Variants in PSD3 observed in about 807,000 individuals in gnomAD.
PSD3 encodes the protein PH and SEC7 domain-containing protein 3.
In PSD3, 49 loss-of-function variants were observed where a neutral mutation model predicts 105.5. The observed-to-expected ratio is 0.46, with a 90% CI of 0.37 to 0.59. The LOEUF is 0.59. PSD3 is among the 20% of genes least tolerant of loss of function. The pLI is 0.00. For missense variants in PSD3, 1,561 were observed against 1,263.8 expected (o/e 1.24, Z -3.57); for synonymous variants, 557 against 457.8 (o/e 1.22, Z -2.77).
chr8:19,056,705 A>G (rs921275804), intron 1 of PSD3, among the ~76,000 whole-genome samples: 4 of 152,234 alleles, frequency 2.6e-5, no homozygotes, highest in African/African-American at 9.6e-5. Context: ...AAGCTAAGTG[A>G]ACCCTGATTA....
intron 2 of PSD3, among the ~76,000 whole-genome samples, chr8:18,905,553 C>T (rs907330219): frequency 2.9e-4 from 44 of 152,298 alleles, no homozygotes; most frequent in African/African-American, 9.6e-4. Flanking sequence ...AACTCCTGAC[C>T]TCAGGTGATC....
At chr8:18,656,422 C>T (rs1391920029) in intron 9 of PSD3, among the ~76,000 whole-genome samples, 1 of 151,138 alleles carries the variant, frequency 6.6e-6, no homozygotes, top group Non-Finnish European at 1.5e-5. Context: ...GAGTAAGATA[C>T]TTGGTAGGGG....
intron 2 of PSD3, among the ~76,000 whole-genome samples, chr8:18,929,941 C>G (rs1170985247): frequency 6.6e-6 from 1 of 151,748 alleles, no homozygotes; most frequent in African/African-American, 2.4e-5. Flanking sequence ...ATAAATAAAA[C>G]TATAAAAATG....
intron 8 of PSD3, among the ~76,000 whole-genome samples, chr8:18,780,997 C>T (rs1055327382): frequency 6.6e-6 from 1 of 151,992 alleles, no homozygotes; most frequent in Non-Finnish European, 1.5e-5. Context: ...AGCATTTATT[C>T]TCCTTCATTT....
At chr8:18,969,089 C>A (rs561916105) in intron 1 of PSD3, among the ~76,000 whole-genome samples, 1 of 152,184 alleles carries the variant, frequency 6.6e-6, no homozygotes, top group South Asian at 2.1e-4. Flanking sequence ...TCTTTTAAAT[C>A]TTTAAATTAC....
chr8:18,947,772 G>A (rs1450038905), intron 1 of PSD3, among the ~76,000 whole-genome samples: 1 of 152,190 alleles, frequency 6.6e-6, no homozygotes, highest in Non-Finnish European at 1.5e-5. Context: ...GCCTGGGCAA[G>A]GTTCTGAATT....
intron 1 of PSD3, among the ~76,000 whole-genome samples, chr8:19,004,713 G>A (rs746018273): frequency 1.3e-5 from 2 of 152,120 alleles, no homozygotes; most frequent in Middle Eastern, 3.4e-3. Context: ...ATCTTGAATC[G>A]GAACTCCCAC....
rs75380303 is a variant in PSD3, at chr8:19,030,774, T to C, written c.324+53432A>G. Among the ~76,000 whole-genome samples the C allele has an allele frequency of 6.6e-3, 1,001 of 152,294 alleles. 14 individuals carry two copies. The highest frequency in any genetic ancestry group is 0.023 in the African/African-American group (955 of 41,560). ...CGTATCAACTTAATTTCTAACCTTCTACCACTCCATTTCTAGATCATCCAA... is the reference window on the plus strand; with the variant it reads ...CGTATCAACTTAATTTCTAACCTTCCACCACTCCATTTCTAGATCATCCAA... On this transcript the variant is annotated intron_variant, in intron 1 of 1. Transcript: ENST00000521475.
chr8:18,694,319 A>C (rs1801140773), intron 9 of PSD3, among the ~76,000 whole-genome samples: 1 of 152,244 alleles, frequency 6.6e-6, no homozygotes, highest in Non-Finnish European at 1.5e-5. Context: ...TAAATTAAAA[A>C]TGAAGTTCCA....
intron 13 of PSD3, among the ~76,000 whole-genome samples, chr8:18,573,768 G>T (rs539006756): frequency 6.6e-6 from 1 of 152,204 alleles, no homozygotes. Flanking sequence ...AAGTAGATCA[G>T]TGGGTGCCTG....
chr8:18,571,519 T>C (rs1349931602), intron 14 of PSD3, among the ~76,000 whole-genome samples: 6 of 152,234 alleles, frequency 3.9e-5, no homozygotes, highest in Non-Finnish European at 7.3e-5. Flanking sequence ...GGACTTATCC[T>C]TCCTGTACTT....
chr8:18,803,287 CAA>C (rs34996165), intron 6 of PSD3: 5 of 51,198 alleles, frequency 9.8e-5, no homozygotes, highest in South Asian at 1.3e-3. Context: ...ACTCTGTCTC[CAA>C]AAAAAAAAAA....
At chr8:18,956,316 T>C (rs1157579650) in intron 1 of PSD3, among the ~76,000 whole-genome samples, 1 of 152,136 alleles carries the variant, frequency 6.6e-6, no homozygotes, top group Non-Finnish European at 1.5e-5. Flanking sequence ...GGTATCCCGC[T>C]AAAACTCTGG....
chr8:18,918,945 C>T (rs191829722), intron 2 of PSD3, among the ~76,000 whole-genome samples: 47 of 152,192 alleles, frequency 3.1e-4, no homozygotes, highest in Admixed American at 1.2e-3. Context: ...TCCTCTAAAG[C>T]TTGGCTAAAG....
intron 9 of PSD3, among the ~76,000 whole-genome samples, chr8:18,702,699 G>T (rs911604168): frequency 6.7e-6 from 1 of 149,720 alleles, no homozygotes; most frequent in African/African-American, 2.5e-5. Flanking sequence ...TGCAAGCTCC[G>T]GCTCCCGGGT....
In PSD3 at chr8:18,868,371, C is replaced by T. The variant is rs953988701; in HGVS notation, c.1239-302G>A. On this transcript the variant is annotated intron_variant, in intron 3 of 15. Coordinates refer to ENST00000327040, the MANE Select transcript of PSD3 (RefSeq NM_015310.4). ...TCAATTCTCATTTTAGCCAAATATACCGTACACATTCAGATTATTTGCAAC... is the reference window on the plus strand; with the variant it reads ...TCAATTCTCATTTTAGCCAAATATATCGTACACATTCAGATTATTTGCAAC... 5.9e-5 allele frequency among the ~76,000 whole-genome samples: 9 copies of T among 152,216 alleles called. 1 individual carries two copies. In the Middle Eastern group the frequency reaches 0.014, roughly 230 times the overall value.
At chr8:18,882,747 C>T (rs576874920) in intron 2 of PSD3, among the ~76,000 whole-genome samples, 142 of 151,960 alleles carry the variant, frequency 9.3e-4, no homozygotes, top group Non-Finnish European at 1.8e-3. Flanking sequence ...AATTGTAGTT[C>T]CTTAGTGCTC....
chr8:18,684,004 G>C lies in PSD3; in HGVS notation c.2173-28319C>G. On this transcript the variant is annotated intron_variant, in intron 9 of 15. Transcript: ENST00000327040. ...TTTCCAACCGTTCCAAGGCTCTCACGCTGGAGGAACTCTGCGGGGTTGTGC... is the reference window on the plus strand; with the variant it reads ...TTTCCAACCGTTCCAAGGCTCTCACCCTGGAGGAACTCTGCGGGGTTGTGC... 3 of 707,222 alleles carry C rather than the reference G, an allele frequency of 4.2e-6. No individual in the cohort carries two copies. In the East Asian group the frequency reaches 7.4e-5, roughly 18 times the overall value. The allele number at this position is 707,222 out of a possible 1,614,324, so 43.8% of individuals were successfully genotyped here. A position where few individuals can be genotyped will look rare whatever the true frequency, so the allele number is the denominator to read the frequency against.
At position 18,577,228 on chromosome 8, in the gene PSD3, T is replaced by C. The variant is rs529968031; in HGVS notation, c.2482-1943A>G. On this transcript the variant is annotated intron_variant, in intron 12 of 15. Transcript: ENST00000327040. The stretch of plus-strand genomic sequence containing the variant: ...AAGGTAAAGTTTTAGTTATATATTA[T>C]TAGATATTCATAATTTTATTGGCTT... 4.6e-5 allele frequency among the ~76,000 whole-genome samples: 7 copies of C among 152,150 alleles called. No individual in the cohort carries two copies. In the East Asian group the frequency reaches 9.7e-4, roughly 21 times the overall value.
Sources: gnomAD v4.1 joint callset for allele counts (sites outside exome capture counted in the v4.1 genomes callset) on GRCh38, gnomAD v4.1.1 for gene constraint, MANE v1.5 for transcripts, NCBI Gene and HGNC (gene_info 2026-07-23, HGNC 2026-07-21) for gene names.